MAP4K4: variants seen among roughly 807,000 people sequenced by gnomAD.
The protein encoded by MAP4K4 is mitogen-activated protein kinase kinase kinase kinase 4.
Under a neutral mutation model 189.6 loss-of-function variants are expected in MAP4K4, and 38 were observed. The observed-to-expected ratio is 0.20, with a 90% confidence interval of 0.15 to 0.26. The LOEUF is 0.26. Ranked by LOEUF, MAP4K4 falls within the 10% of genes least tolerant of loss-of-function variation. The pLI, the probability that MAP4K4 is intolerant of heterozygous loss-of-function variation, is 1.00. For synonymous variants in MAP4K4, 610 were observed against 624.3 expected (o/e 0.98, Z 0.34); for missense variants, 1,054 against 1,726.9 (o/e 0.61, Z 6.91).
In MAP4K4 at chr2:101,863,330, G is replaced by A. The variant is rs184654913; in HGVS notation, c.1867-491G>A. Among the ~76,000 whole-genome samples, 109 of 152,274 alleles carry A rather than the reference G, an allele frequency of 7.2e-4. 2 individuals carry two copies. The highest frequency in any genetic ancestry group is 1.9e-4 in the Non-Finnish European group (13 of 68,024). Reference sequence around the variant, plus strand: ...CAAAACGTGGGGTTTGTCTTTGCTCGTTGAACGTGCCATTTTGTTACTCGC... The same window carrying A: ...CAAAACGTGGGGTTTGTCTTTGCTCATTGAACGTGCCATTTTGTTACTCGC... On this transcript the variant is annotated intron_variant, in intron 16 of 32. Transcript: ENST00000324219.
intron 3 of MAP4K4, among the ~76,000 whole-genome samples, chr2:101,816,347 G>T (rs2095713895): frequency 6.6e-6 from 1 of 152,178 alleles, no homozygotes; most frequent in African/African-American, 2.4e-5. Flanking sequence ...TCTGGTGCCT[G>T]TGAGTGCATG....
In MAP4K4 at chr2:101,747,924, A is replaced by G. The variant is rs186250101; in HGVS notation, c.124-42796A>G. Among the ~76,000 whole-genome samples the G allele has an allele frequency of 9.8e-4, 150 of 152,338 alleles. 1 individual carries two copies. The highest frequency in any genetic ancestry group is 8.9e-3 in the Admixed American group (136 of 15,306). ...TGCTTCCAGTGAAGAAATGCTCTGT[A>G]GGTGCTTGAGGAACTGGTGTCGTGA... is the stretch of plus-strand genomic sequence containing the variant. On this transcript the variant is annotated intron_variant, in intron 2 of 32. Coordinates refer to ENST00000324219, the Ensembl canonical transcript of MAP4K4.
chr2:101,837,452 A>G (rs1258631623), intron 9 of MAP4K4, among the ~76,000 whole-genome samples: 1 of 151,696 alleles, frequency 6.6e-6, no homozygotes, highest in Non-Finnish European at 1.5e-5. Flanking sequence ...CTTTAACCAC[A>G]TTTGTCTCCA....
intron 20 of MAP4K4, 115 bp from the exon 21 acceptor site, chr2:101,867,914 T>C: frequency 1.0e-6 from 1 of 1,001,998 alleles, no homozygotes; most frequent in South Asian, 1.4e-5. Flanking sequence ...CATTTCCTGC[T>C]TGAACTGATT....
intron 2 of MAP4K4, among the ~76,000 whole-genome samples, chr2:101,785,764 C>G (rs1575524190): frequency 1.4e-4 from 2 of 14,702 alleles, no homozygotes; most frequent in Non-Finnish European, 2.2e-4. Context: ...CTCTCTCTCT[C>G]TCTCTCTCTC....
At chr2:101,846,476 T>C (rs2149630189) in intron 12 of MAP4K4, among the ~76,000 whole-genome samples, 1 of 152,338 alleles carries the variant, frequency 6.6e-6, no homozygotes. Context: ...ACACAGGCAC[T>C]GGAAATGTCT....
intron 2 of MAP4K4, among the ~76,000 whole-genome samples, chr2:101,721,475 G>T (rs2051946335): frequency 1.5e-5 from 2 of 132,990 alleles, no homozygotes; most frequent in African/African-American, 2.9e-5. Context: ...TTGCTCTGTT[G>T]CCCAGGCTGG....
intron 2 of MAP4K4, among the ~76,000 whole-genome samples, chr2:101,718,523 G>A (rs988696046): frequency 1.4e-5 from 2 of 146,692 alleles, no homozygotes; most frequent in Non-Finnish European, 3.0e-5. Flanking sequence ...TTGGCAGAGA[G>A]AACCTGTGAG....
At chr2:101,721,384 C>A (rs1349276664) in intron 2 of MAP4K4, among the ~76,000 whole-genome samples, 1 of 151,406 alleles carries the variant, frequency 6.6e-6, no homozygotes, top group East Asian at 1.9e-4. Flanking sequence ...CAAGAAAGAG[C>A]CTGTCTGAAA....
intron 3 of MAP4K4, among the ~76,000 whole-genome samples, chr2:101,805,454 T>C (rs2094836475): frequency 6.6e-6 from 1 of 152,244 alleles, no homozygotes; most frequent in Non-Finnish European, 1.5e-5. Flanking sequence ...TTTATTCTCA[T>C]TGCTTTTAGT....
intron 2 of MAP4K4, among the ~76,000 whole-genome samples, chr2:101,783,869 G>C (rs530974792): frequency 6.6e-6 from 1 of 152,188 alleles, no homozygotes; most frequent in Non-Finnish European, 1.5e-5. Flanking sequence ...TGCAGTGTAT[G>C]ACAAGCTTCT....
chr2:101,703,988 C>G (rs1358126455), intron 2 of MAP4K4, among the ~76,000 whole-genome samples: 2 of 152,106 alleles, frequency 1.3e-5, no homozygotes, highest in African/African-American at 4.8e-5. Context: ...GCACTCTAGC[C>G]TGGGTGACAG....
At chr2:101,782,727 G>T (rs2088324437) in intron 2 of MAP4K4, among the ~76,000 whole-genome samples, 1 of 152,140 alleles carries the variant, frequency 6.6e-6, no homozygotes. Flanking sequence ...GAGATGTTTA[G>T]AAGACCGAGA....
intron 3 of MAP4K4, among the ~76,000 whole-genome samples, chr2:101,816,292 T>C (rs988429306): frequency 1.3e-5 from 2 of 152,184 alleles, no homozygotes; most frequent in Admixed American, 1.3e-4. Context: ...TTCCCTTCAT[T>C]CTTTTTTATT....
At chr2:101,776,332 T>C (rs1266139226) in intron 2 of MAP4K4, among the ~76,000 whole-genome samples, 1 of 152,098 alleles carries the variant, frequency 6.6e-6, no homozygotes, top group African/African-American at 2.4e-5. Flanking sequence ...GGGCCCGGGC[T>C]TTTCAGGTTC....
intron 27 of MAP4K4, among the ~76,000 whole-genome samples, chr2:101,878,848 TTTAC>T (rs374559610): frequency 7.8e-4 from 119 of 152,324 alleles, no homozygotes; most frequent in African/African-American, 2.4e-3. Flanking sequence ...TTGAAGTTAT[TTTAC>T]TTCTAATATA....
intron 3 of MAP4K4, among the ~76,000 whole-genome samples, chr2:101,796,897 G>A (rs1404014434): frequency 2.0e-5 from 3 of 152,174 alleles, no homozygotes; most frequent in Non-Finnish European, 2.9e-5. Context: ...AGCCAAGTAA[G>A]AATCTGGCCT....
chr2:101,754,043 TC>T (rs2070799947), intron 2 of MAP4K4, among the ~76,000 whole-genome samples: 1 of 152,166 alleles, frequency 6.6e-6, no homozygotes, highest in African/African-American at 2.4e-5. Context: ...CATTTGGTTT[TC>T]TTTCTTTCTG....
At chr2:101,756,800 C>T (rs1424037710) in intron 2 of MAP4K4, among the ~76,000 whole-genome samples, 1 of 149,934 alleles carries the variant, frequency 6.7e-6, no homozygotes, top group Non-Finnish European at 1.5e-5. Context: ...CTCCTGGGCT[C>T]AAGTGATCTG....
Sources: allele counts gnomAD v4.1 joint callset (sites outside exome capture counted in the v4.1 genomes callset), GRCh38; gene constraint gnomAD v4.1.1; transcripts MANE v1.5; gene names NCBI Gene and HGNC (gene_info 2026-07-23, HGNC 2026-07-21).